WIPI1: variants seen among roughly 807,000 people sequenced by gnomAD.
The protein encoded by WIPI1 is WD repeat domain, phosphoinositide interacting 1, also known as WD repeat domain phosphoinositide-interacting protein 1.
In WIPI1, 45 loss-of-function variants were observed where a neutral mutation model predicts 55.3. The observed-to-expected ratio is 0.81, with a 90% CI of 0.64 to 1.04. The LOEUF (loss-of-function observed/expected upper bound fraction) is 1.04, where lower values mean the gene tolerates loss of function less well. WIPI1 is among the 50% of genes least tolerant of loss of function. The probability of loss-of-function intolerance (pLI) is 0.00; values close to 1 mark genes in which losing one functional copy is unlikely to be tolerated. For synonymous variants in WIPI1, 195 were observed against 217.6 expected, an observed-to-expected ratio of 0.90 and a Z score of 0.92; for missense variants, 445 against 559.0, an observed-to-expected ratio of 0.80 and a Z score of 2.06.
intron 3 of WIPI1, among the ~76,000 whole-genome samples, chr17:68,445,145 C>G (rs1438998694): frequency 1.3e-5 from 2 of 152,104 alleles, no homozygotes; most frequent in Non-Finnish European, 2.9e-5. Context: ...GTCTCGAACT[C>G]CCGACCTCAG....
chr17:68,422,177 C>G (rs2082830996), intron 12 of WIPI1: 1 of 206,638 alleles, frequency 4.8e-6, no homozygotes, highest in African/African-American at 2.3e-5. Flanking sequence ...CCTGTAATCC[C>G]AGAACTTTGG....
At chr17:68,428,519 C>T (rs1017009839) in intron 10 of WIPI1, 4 of 239,716 alleles carry the variant, frequency 1.7e-5, no homozygotes, top group South Asian at 5.8e-5. Context: ...AGGTGTGAGC[C>T]GCCACACCTG....
intron 7 of WIPI1, among the ~76,000 whole-genome samples, chr17:68,433,777 T>G (rs998264033): frequency 3.1e-5 from 2 of 63,656 alleles, no homozygotes; most frequent in African/African-American, 4.9e-5. Context: ...TTTTTTTTTT[T>G]TTTTTTTTTT....
intron 2 of WIPI1, among the ~76,000 whole-genome samples, chr17:68,451,977 TAACA>T (rs2084517408): frequency 6.6e-6 from 1 of 152,188 alleles, no homozygotes; most frequent in Admixed American, 6.5e-5. Context: ...AATGGTGTAA[TAACA>T]ATAACATCTT....
Position 68,444,558 on chromosome 17 carries a change from T to C in WIPI1, c.365A>G (p.Tyr122Cys), listed in dbSNP as rs757805238. 1.2e-6 allele frequency: 2 copies of C among 1,613,994 alleles called. No individual in the cohort carries two copies. Among genetic ancestry groups the C allele is most frequent in the South Asian group, 1.1e-5 (1 of 91,062 alleles). ...CTTCATGTCTTTAATGTTGTGAATATAAATGGACTCTTCTAGGCAAACCAG... is the reference window on the plus strand; with the variant it reads ...CTTCATGTCTTTAATGTTGTGAATACAAATGGACTCTTCTAGGCAAACCAG... ...RLLVCLEESI[Y>C]IHNIKDMKLL... Residue 122 changes from tyrosine to cysteine, a missense_variant, in exon 4 of 13, where the codon TAT (tyrosine) becomes TGT (cysteine). Transcript: ENST00000262139.
intron 7 of WIPI1, among the ~76,000 whole-genome samples, chr17:68,434,054 G>T (rs1252428020): frequency 2.0e-5 from 3 of 152,014 alleles, no homozygotes. Flanking sequence ...ACAGACGTGA[G>T]CCACCGCGCC....
chr17:68,426,253 G>GGCCCCCCC, intron 11 of WIPI1, 78 bp from the exon 12 acceptor site: 1 of 841,018 alleles, frequency 1.2e-6, no homozygotes, highest in Non-Finnish European at 1.9e-6. Flanking sequence ...GGGGAGCGGG[G>GGCCCCCCC]GCTCAAATAA....
intron 9 of WIPI1, 101 bp downstream of exon 9, chr17:68,429,895 A>G: frequency 6.4e-7 from 1 of 1,558,614 alleles, no homozygotes; most frequent in Non-Finnish European, 8.7e-7. Flanking sequence ...AGCCTGGGGC[A>G]AGTTTTCTTT....
intron 4 of WIPI1, among the ~76,000 whole-genome samples, chr17:68,442,942 A>G (rs2084141036): frequency 6.6e-6 from 1 of 152,176 alleles, no homozygotes; most frequent in East Asian, 1.9e-4. Context: ...TCTGCAATAG[A>G]TACTTGTCCA....
chr17:68,426,945 G>A (rs1298688114), intron 11 of WIPI1, among the ~76,000 whole-genome samples, 190 bp downstream of exon 11: 1 of 152,046 alleles, frequency 6.6e-6, no homozygotes, highest in Non-Finnish European at 1.5e-5. Context: ...CTATTACCAT[G>A]GCCTCACCTG....
chr17:68,431,715 G>C (rs2083520448), intron 8 of WIPI1, among the ~76,000 whole-genome samples: 1 of 8,258 alleles, frequency 1.2e-4, no homozygotes. Context: ...GCGAAGCAGG[G>C]CTGAAGAGGC....
chr17:68,426,242 T>TGGCGGGGGGGGGGG, intron 11 of WIPI1, 67 bp from the exon 12 acceptor site: 1 of 668,988 alleles, frequency 1.5e-6, no homozygotes, highest in Non-Finnish European at 2.2e-6. Flanking sequence ...ACCTGGCGGG[T>TGGCGGGGGGGGGGG]GGGGAGCGGG....
intron 4 of WIPI1, among the ~76,000 whole-genome samples, chr17:68,441,823 T>C (rs2084090849): frequency 6.6e-6 from 1 of 152,194 alleles, no homozygotes; most frequent in African/African-American, 2.4e-5. Context: ...GTGATAATTA[T>C]AAACGTGAGC....
intron 8 of WIPI1, 66 bp from the exon 9 acceptor site, chr17:68,430,226 C>T: frequency 6.6e-7 from 1 of 1,516,324 alleles, no homozygotes. Flanking sequence ...CAGGAATCTC[C>T]ACACCCAAGC....
At chr17:68,436,349 T>A (rs1362555620) in intron 5 of WIPI1, 33 bp downstream of exon 5, 1 of 1,594,952 alleles carries the variant, frequency 6.3e-7, no homozygotes. Context: ...CCAAGGCAGG[T>A]GGGTTGGCTC....
intron 4 of WIPI1, among the ~76,000 whole-genome samples, chr17:68,443,912 G>C (rs1038136304): frequency 5.9e-5 from 9 of 152,162 alleles, no homozygotes; most frequent in African/African-American, 2.2e-4. Context: ...AATGTCATCT[G>C]CTATTTCAAT....
chr17:68,452,253 C>T (rs963928930), intron 2 of WIPI1, among the ~76,000 whole-genome samples: 2 of 152,142 alleles, frequency 1.3e-5, no homozygotes, highest in Non-Finnish European at 1.5e-5. Context: ...TCTTATGGTG[C>T]CAATATAATG....
At chr17:68,425,516 C>T (rs907588626) in intron 12 of WIPI1, among the ~76,000 whole-genome samples, 3 of 151,940 alleles carry the variant, frequency 2.0e-5, no homozygotes, top group Non-Finnish European at 2.9e-5. Flanking sequence ...CCACCGCACC[C>T]GGCCACTTGT....
intron 11 of WIPI1, 79 bp from the exon 12 acceptor site, chr17:68,426,254 G>GGGGGGGGGGGGGGGGTC: frequency 1.2e-6 from 1 of 816,924 alleles, no homozygotes. Context: ...GGGAGCGGGG[G>GGGGGGGGGGGGGGGGTC]CTCAAATAAA....
Sources: allele counts gnomAD v4.1 joint callset (sites outside exome capture counted in the v4.1 genomes callset), GRCh38; gene constraint gnomAD v4.1.1; transcripts MANE v1.5; gene names NCBI Gene and HGNC (gene_info 2026-07-23, HGNC 2026-07-21).